Variants in KCNIP4 observed in about 807,000 individuals in gnomAD.
KCNIP4 encodes the protein Kv channel-interacting protein 4.
A neutral mutation model predicts 34.0 loss-of-function variants in KCNIP4; 12 were observed. That is an observed-to-expected ratio of 0.35 (90% CI 0.23 to 0.57). The LOEUF is 0.57. Among genes scored for constraint, KCNIP4 ranks in the 20% least tolerant of loss-of-function variants. KCNIP4 has a pLI of 0.83. For missense variants in KCNIP4, 238 were observed against 311.7 expected (o/e 0.76, Z 1.78); for synonymous variants, 124 against 102.2 (o/e 1.21, Z -1.29).
chr4:21,077,905 G>A (rs189464494), intron 1 of KCNIP4, among the ~76,000 whole-genome samples: 16 of 152,166 alleles, frequency 1.1e-4, no homozygotes, highest in East Asian at 1.9e-4. Flanking sequence ...TCATAGTAGC[G>A]TAAAAGAGGG....
At chr4:21,416,463 G>A (rs1724963319) in intron 1 of KCNIP4, among the ~76,000 whole-genome samples, 1 of 152,082 alleles carries the variant, frequency 6.6e-6, no homozygotes, top group African/African-American at 2.4e-5. Context: ...CCCCAGATTG[G>A]TCCAGATTAA....
chr4:20,950,039 T>C (rs978890579), intron 1 of KCNIP4, among the ~76,000 whole-genome samples: 2 of 138,992 alleles, frequency 1.4e-5, no homozygotes, highest in Non-Finnish European at 3.1e-5. Context: ...AAAAAGAAAA[T>C]GAAAAGGAAA....
intron 1 of KCNIP4, among the ~76,000 whole-genome samples, chr4:21,773,300 T>G (rs924144571): frequency 3.3e-5 from 5 of 152,196 alleles, no homozygotes; most frequent in African/African-American, 1.2e-4. Flanking sequence ...ATGATTTCAG[T>G]TCTTTTGCGT....
intron 1 of KCNIP4, among the ~76,000 whole-genome samples, chr4:21,245,286 G>A (rs1358084219): frequency 6.6e-6 from 1 of 152,090 alleles, no homozygotes; most frequent in African/African-American, 2.4e-5. Flanking sequence ...CTTATCTTAG[G>A]CCTTCACTTC....
At chr4:21,675,552 G>A (rs1749825507) in intron 1 of KCNIP4, among the ~76,000 whole-genome samples, 1 of 152,040 alleles carries the variant, frequency 6.6e-6, no homozygotes. Context: ...AATATCTTAT[G>A]TATCTTATAA....
intron 1 of KCNIP4, among the ~76,000 whole-genome samples, chr4:21,752,120 T>C (rs1435029456): frequency 6.6e-6 from 1 of 152,124 alleles, no homozygotes; most frequent in Non-Finnish European, 1.5e-5. Flanking sequence ...GGAAGAGATG[T>C]TGACTAGCAC....
intron 1 of KCNIP4, among the ~76,000 whole-genome samples, chr4:21,595,453 A>C (rs1199913599): frequency 1.3e-5 from 2 of 152,058 alleles, no homozygotes; most frequent in African/African-American, 4.8e-5. Context: ...AGTAAACATG[A>C]GTATGCATGT....
intron 3 of KCNIP4, among the ~76,000 whole-genome samples, chr4:20,831,764 A>G (rs1560498538): frequency 6.6e-6 from 1 of 152,256 alleles, no homozygotes; most frequent in Non-Finnish European, 1.5e-5. Context: ...AAGAAACCAA[A>G]TAAACATTGT....
intron 1 of KCNIP4, among the ~76,000 whole-genome samples, chr4:21,118,286 C>T (rs1749858734): frequency 6.6e-6 from 1 of 152,148 alleles, no homozygotes; most frequent in African/African-American, 2.4e-5. Context: ...ACTGCAAACT[C>T]TGCAGCAATC....
chr4:21,883,559 C>T (rs1726586667), intron 1 of KCNIP4, among the ~76,000 whole-genome samples: 1 of 152,122 alleles, frequency 6.6e-6, no homozygotes, highest in South Asian at 2.1e-4. Flanking sequence ...TGAACCATTG[C>T]TCCTGTGTTC....
At position 20,759,236 on chromosome 4, in the gene KCNIP4, T is replaced by C. The variant is rs184332207; in HGVS notation, c.289-346A>G. Among the ~76,000 whole-genome samples, 359 of 151,746 alleles carry C rather than the reference T, an allele frequency of 2.4e-3. 8 individuals are homozygous for C. In the South Asian group the frequency reaches 0.047, roughly 20 times the overall value. On this transcript the variant is annotated intron_variant, in intron 3 of 8. Coordinates refer to ENST00000382152, the MANE Select transcript of KCNIP4 (RefSeq NM_025221.6). ...AGCATGTTGCAAGATGTTTATAATA[T>C]AGTCTTTGGTGAATCTTGGTTTTGT...
At chr4:20,855,304 T>C (rs1721453029) in intron 2 of KCNIP4, among the ~76,000 whole-genome samples, 1 of 152,152 alleles carries the variant, frequency 6.6e-6, no homozygotes, top group Admixed American at 6.5e-5. Context: ...ATGAGGAACT[T>C]AGCAGGAATA....
intron 3 of KCNIP4, among the ~76,000 whole-genome samples, chr4:20,835,023 C>A (rs972314540): frequency 3.3e-5 from 5 of 152,120 alleles, no homozygotes; most frequent in African/African-American, 1.2e-4. Context: ...TCCCTAGATT[C>A]TTTTAGGAAC....
intron 1 of KCNIP4, among the ~76,000 whole-genome samples, chr4:20,988,147 C>T (rs1736763654): frequency 6.6e-6 from 1 of 151,814 alleles, no homozygotes; most frequent in Admixed American, 6.6e-5. Context: ...CTTGGTAGAA[C>T]TGGGATTTGA....
At chr4:21,356,670 CACAA>C (rs1240943520) in intron 1 of KCNIP4, among the ~76,000 whole-genome samples, 3 of 152,012 alleles carry the variant, frequency 2.0e-5, no homozygotes, top group African/African-American at 4.8e-5. Flanking sequence ...TAAAAGAGGA[CACAA>C]ACAAATGGAG....
At chr4:21,672,278 T>C (rs1287680990) in intron 1 of KCNIP4, among the ~76,000 whole-genome samples, 1 of 152,146 alleles carries the variant, frequency 6.6e-6, no homozygotes, top group African/African-American at 2.4e-5. Flanking sequence ...ACTTAAAATA[T>C]AATAATTTAA....
At chr4:21,771,954 A>C (rs1324665860) in intron 1 of KCNIP4, among the ~76,000 whole-genome samples, 1 of 152,140 alleles carries the variant, frequency 6.6e-6, no homozygotes, top group Non-Finnish European at 1.5e-5. Context: ...AACTTCCAAT[A>C]CTATGTTGAA....
At chr4:21,391,634 C>T (rs1422894311) in intron 1 of KCNIP4, among the ~76,000 whole-genome samples, 1 of 152,100 alleles carries the variant, frequency 6.6e-6, no homozygotes, top group Non-Finnish European at 1.5e-5. Flanking sequence ...GACGCCATTC[C>T]CTAACCCTGT....
chr4:21,291,933 A>AAG (rs1763542919), intron 1 of KCNIP4, among the ~76,000 whole-genome samples: 1 of 91,176 alleles, frequency 1.1e-5, no homozygotes, highest in Non-Finnish European at 2.0e-5. Context: ...GAAAGAAAGA[A>AAG]AGAAAAAAAA....
Sources: allele counts gnomAD v4.1 joint callset (sites outside exome capture counted in the v4.1 genomes callset), GRCh38; gene constraint gnomAD v4.1.1; transcripts MANE v1.5; gene names NCBI Gene and HGNC (gene_info 2026-07-23, HGNC 2026-07-21).